The following SHISAL1 variants were observed in gnomAD, a reference collection of about 807,000 sequenced individuals.
The protein encoded by SHISAL1 is shisa like 1.
In SHISAL1, 9 loss-of-function variants were observed where a neutral mutation model predicts 22.6. The observed-to-expected ratio is 0.40, with a 90% CI of 0.24 to 0.70. The LOEUF is 0.70. Among genes scored for constraint, SHISAL1 ranks in the 30% least tolerant of loss-of-function variants. The pLI, the probability that SHISAL1 is intolerant of heterozygous loss-of-function variation, is 0.39. For missense variants in SHISAL1, 246 were observed against 270.6 expected (o/e 0.91, Z 0.64); for synonymous variants, 119 against 115.4 (o/e 1.03, Z -0.20).
chr22:44,294,617 C>T (rs1203811099), intron 3 of SHISAL1, among the ~76,000 whole-genome samples: 2 of 151,830 alleles, frequency 1.3e-5, no homozygotes, highest in Non-Finnish European at 2.9e-5. Context: ...CACAATCAGA[C>T]AAGAAAAAGA....
At chr22:44,322,939 G>A in the SHISAL1 span, among the ~76,000 whole-genome samples, 4,985 of 150,354 alleles carry the variant, frequency 0.033, 118 homozygotes, top group East Asian at 0.13. Flanking sequence ...CCATCTGTCC[G>A]TCCACCCATC....
chr22:44,317,844 G>C (rs2055567778), upstream of SHISAL1, among the ~76,000 whole-genome samples: 1 of 152,250 alleles, frequency 6.6e-6, no homozygotes. Flanking sequence ...TCTCTGCTTA[G>C]TCGTCCCCAA....
intron 3 of SHISAL1, among the ~76,000 whole-genome samples, chr22:44,286,098 C>A (rs1476668753): frequency 6.6e-6 from 1 of 152,196 alleles, no homozygotes; most frequent in Non-Finnish European, 1.5e-5. Context: ...TTACCTGGTG[C>A]TGTTTTGGTC....
intron 4 of SHISAL1, among the ~76,000 whole-genome samples, chr22:44,275,514 G>A (rs575658112): frequency 5.9e-5 from 9 of 152,216 alleles, no homozygotes; most frequent in Non-Finnish European, 1.0e-4. Flanking sequence ...CCTGCCTGGG[G>A]GATGGGTGAG....
the SHISAL1 span, among the ~76,000 whole-genome samples, chr22:44,324,991 C>T: frequency 6.6e-6 from 1 of 152,110 alleles, no homozygotes; most frequent in Admixed American, 6.5e-5. Flanking sequence ...GCCTGTAATC[C>T]CAGCACTTTG....
the SHISAL1 span, among the ~76,000 whole-genome samples, chr22:44,320,607 A>C: frequency 0.19 from 29,242 of 152,196 alleles, 3,009 homozygotes; most frequent in South Asian, 0.32. Flanking sequence ...ATTTCAGGAG[A>C]GATGTCTCCT....
At chr22:44,328,199 A>G in the SHISAL1 span, among the ~76,000 whole-genome samples, 1 of 152,172 alleles carries the variant, frequency 6.6e-6, no homozygotes, top group Non-Finnish European at 1.5e-5. Context: ...CTGCCCCCTC[A>G]TGGTTCCTGG....
upstream of SHISAL1, among the ~76,000 whole-genome samples, chr22:44,317,921 G>C (rs2055568328): frequency 6.6e-6 from 1 of 152,274 alleles, no homozygotes; most frequent in South Asian, 2.1e-4. Context: ...GAACATGTCT[G>C]CCCTGTCTGC....
At chr22:44,268,061 C>T (rs150756768) in intron 4 of SHISAL1, among the ~76,000 whole-genome samples, 82 of 152,330 alleles carry the variant, frequency 5.4e-4, no homozygotes, top group African/African-American at 1.9e-3. Context: ...ATTCACAACC[C>T]GCTTGTAGCC....
At chr22:44,254,529 T>TA (rs1221996027) in intron 4 of SHISAL1, among the ~76,000 whole-genome samples, 1 of 152,014 alleles carries the variant, frequency 6.6e-6, no homozygotes, top group African/African-American at 2.4e-5. Flanking sequence ...CCTAGCTAAT[T>TA]AAAAAAAATT....
chr22:44,331,195 A>G, the SHISAL1 span, among the ~76,000 whole-genome samples: 2 of 151,474 alleles, frequency 1.3e-5, no homozygotes, highest in Non-Finnish European at 2.9e-5. The surrounding 1 kb of genome is among the most constrained non-coding windows in gnomAD (Gnocchi z 5.2). Context: ...CGCGGACCCC[A>G]GTGCCGAACA....
Position 44,249,419 on chromosome 22 carries a change from AG to A in SHISAL1, c.*265del, listed in dbSNP as rs1186174712. 1.2e-5 allele frequency: 5 copies of A among 424,978 alleles called. No homozygotes were observed. The highest frequency in any genetic ancestry group is 1.0e-4 in the African/African-American group (5 of 48,794). 26.3% of individuals were successfully genotyped at this position (424,978 alleles called of 1,614,324 possible). A position where few individuals can be genotyped will look rare whatever the true frequency, so the allele number is the denominator to read the frequency against. ...CTGAGTCCACAATGAGTCACCTCTC[AG>A]AAGCCACCAGCCCAAAATAGGACTA... On this transcript the variant is annotated 3_prime_UTR_variant, in exon 5 of 5. Coordinates refer to ENST00000381176, the MANE Select transcript of SHISAL1 (RefSeq NM_001099294.2).
chr22:44,266,908 T>G (rs1314043070), intron 4 of SHISAL1, among the ~76,000 whole-genome samples: 1 of 152,090 alleles, frequency 6.6e-6, no homozygotes, highest in Non-Finnish European at 1.5e-5. Flanking sequence ...TAATGAAACA[T>G]GGAACCTTTC....
chr22:44,321,776 T>A, the SHISAL1 span, among the ~76,000 whole-genome samples: 5 of 152,126 alleles, frequency 3.3e-5, no homozygotes, highest in Admixed American at 3.3e-4. Context: ...GCGCAGCTCC[T>A]CTGTGGCTCC....
At chr22:44,269,474 GCACA>G (rs879356618) in intron 4 of SHISAL1, among the ~76,000 whole-genome samples, 630 of 22,376 alleles carry the variant, frequency 0.028, 3 homozygotes, top group Non-Finnish European at 0.052. Context: ...CACAACACGC[GCACA>G]CACACACACA....
intron 4 of SHISAL1, among the ~76,000 whole-genome samples, chr22:44,259,641 C>T (rs1277494823): frequency 1.3e-5 from 2 of 151,924 alleles, no homozygotes; most frequent in Non-Finnish European, 2.9e-5. Flanking sequence ...GACATTCTCA[C>T]ATGCCAAGGG....
At chr22:44,284,300 T>G (rs892861258) in intron 4 of SHISAL1, among the ~76,000 whole-genome samples, 2 of 152,082 alleles carry the variant, frequency 1.3e-5, no homozygotes, top group African/African-American at 4.8e-5. Flanking sequence ...CAGTTAATCC[T>G]TGGGAGGGGG....
At chr22:44,319,887 T>A in the SHISAL1 span, among the ~76,000 whole-genome samples, 1 of 151,954 alleles carries the variant, frequency 6.6e-6, no homozygotes, top group Non-Finnish European at 1.5e-5. Flanking sequence ...CCTAAATGTC[T>A]CAGACCTAGC....
intron 4 of SHISAL1, among the ~76,000 whole-genome samples, chr22:44,278,753 T>C (rs2055257208): frequency 6.6e-6 from 1 of 151,970 alleles, no homozygotes; most frequent in African/African-American, 2.4e-5. Context: ...CCGTGGGTCG[T>C]GGTGATGTGG....
Sources: allele counts gnomAD v4.1 joint callset (sites outside exome capture counted in the v4.1 genomes callset), GRCh38; gene constraint gnomAD v4.1.1; non-coding constraint Gnocchi (gnomAD v3.1); transcripts MANE v1.5; gene names NCBI Gene and HGNC (gene_info 2026-07-23, HGNC 2026-07-21).